The following ITIH3 variants were observed in gnomAD, a reference collection of about 807,000 sequenced individuals.
ITIH3 encodes the protein inter-alpha-trypsin inhibitor heavy chain 3.
ITIH3 carries 81 observed loss-of-function variants against 96.5 expected under a neutral mutation model. The observed-to-expected ratio is 0.84, with a 90% CI of 0.70 to 1.01. The LOEUF (loss-of-function observed/expected upper bound fraction) is 1.01. Among genes scored for constraint, ITIH3 ranks in the 50% least tolerant of loss-of-function variants. The pLI, the probability that ITIH3 is intolerant of heterozygous loss-of-function variation, is 0.00. For missense variants in ITIH3, 1,057 were observed against 1,139.3 expected, an observed-to-expected ratio of 0.93 and a Z score of 1.04; for synonymous variants, 422 against 445.2, an observed-to-expected ratio of 0.95 and a Z score of 0.66.
intron 5 of ITIH3, among the ~76,000 whole-genome samples, chr3:52,797,490 C>T (rs1285596342): frequency 6.6e-6 from 1 of 152,238 alleles, no homozygotes; most frequent in East Asian, 1.9e-4. Flanking sequence ...GTGCTGGGCC[C>T]TCAAGAGCAA....
rs781494651 is a variant in ITIH3, at chr3:52,799,426, C to A, written c.844C>A (p.Pro282Thr). The change falls in exon 8 of 22, where the codon CCT becomes ACT. Residue 282 changes from proline (P) to threonine (T), a missense_variant. Transcript: ENST00000449956. ...FFAPQGLPVV[P>T]KNVAFVIDIS... is the part of the protein sequence containing the mutation. ...TGCACCTCAAGGCCTTCCAGTGGTG[C>A]CTAAGAACGTGGCCTTTGTGATTGA... The A allele has an allele frequency of 6.2e-7, 1 of 1,612,384 alleles. No homozygotes were observed. The highest frequency in any genetic ancestry group is 1.1e-5 in the South Asian group (1 of 90,716).
At chr3:52,804,154 G>T in intron 14 of ITIH3, 145 bp downstream of exon 14, 8 of 811,536 alleles carry the variant, frequency 9.9e-6, no homozygotes, top group Non-Finnish European at 1.6e-5. Context: ...ACGGGATGGG[G>T]AAAGTGGGGT....
chr3:52,807,699 T>G (rs1247123828), intron 19 of ITIH3, 48 bp from the exon 20 acceptor site: 2 of 1,564,782 alleles, frequency 1.3e-6, no homozygotes, highest in African/African-American at 2.7e-5. Context: ...AGATGCCCAG[T>G]GTCACGGCCA....
chr3:52,795,698 G>T (rs1699555216), intron 2 of ITIH3, 75 bp downstream of exon 2: 1 of 1,454,120 alleles, frequency 6.9e-7, no homozygotes, highest in African/African-American at 1.4e-5. Flanking sequence ...TGCTGAAGGT[G>T]TAGGCTATAA....
intron 13 of ITIH3, 105 bp from the exon 14 acceptor site, chr3:52,803,750 G>A (rs1699934199): frequency 9.2e-6 from 12 of 1,304,874 alleles, no homozygotes; most frequent in Non-Finnish European, 1.3e-5. Flanking sequence ...CCCACAATGG[G>A]GAAGGTGGAG....
Position 52,799,092 on chromosome 3 carries a change from G to A in ITIH3, c.789+1G>A. 7 of 1,613,264 alleles carry A rather than the reference G, an allele frequency of 4.3e-6. No individual in the cohort carries two copies. The highest frequency in any genetic ancestry group is 5.9e-6 in the Non-Finnish European group (7 of 1,179,668). ...CAGAGAATCTCCTGGCAACGTGCAG[G>A]TACCCGGGCTGGCTGATTCATCATC... On this transcript the variant is annotated splice_donor_variant, in intron 7 of 21. Transcript: ENST00000449956. LOFTEE classifies it high-confidence loss of function.
intron 19 of ITIH3, 140 bp from the exon 20 acceptor site, chr3:52,807,607 A>G: frequency 1.4e-6 from 1 of 721,454 alleles, no homozygotes; most frequent in Non-Finnish European, 2.3e-6. Flanking sequence ...TCCTCTTTCC[A>G]ACGCCCCTGA....
intron 1 of ITIH3, 89 bp downstream of exon 1, chr3:52,794,985 A>G: frequency 9.4e-7 from 1 of 1,058,820 alleles, no homozygotes; most frequent in Non-Finnish European, 1.5e-6. Flanking sequence ...TGGAGTGAAG[A>G]GGAGGCAGAG....
chr3:52,806,507 A>G (rs984633575), intron 18 of ITIH3, 101 bp downstream of exon 18: 2 of 860,370 alleles, frequency 2.3e-6, no homozygotes. Flanking sequence ...CTGCCCAGTA[A>G]GGCATCATCT....
intron 9 of ITIH3, chr3:52,800,258 G>T (rs1028717650): frequency 9.1e-6 from 5 of 547,604 alleles, no homozygotes; most frequent in Non-Finnish European, 1.6e-5. Context: ...CCAGCAAGAG[G>T]TACTGGGAGT....
chr3:52,804,911 C>T, intron 15 of ITIH3, 177 bp downstream of exon 15: 1 of 683,018 alleles, frequency 1.5e-6, no homozygotes. Flanking sequence ...CCTGAGGATC[C>T]CTGTGAGTTA....
intron 6 of ITIH3, among the ~76,000 whole-genome samples, 200 bp downstream of exon 6, chr3:52,798,130 T>C (rs1699667836): frequency 6.6e-6 from 1 of 152,158 alleles, no homozygotes; most frequent in African/African-American, 2.4e-5. Context: ...CTGCTGACAA[T>C]GACCTGCCAG....
rs60207422 is a variant in ITIH3 at position 52,808,441 on chromosome 3, T to A, written c.2544-111T>A. 13,819 of 1,441,444 alleles carry A rather than the reference T, an allele frequency of 9.6e-3. 1,148 individuals carry two copies. The African/African-American group carries it at 0.17, about 18-fold the overall frequency. The allele number at this position is 1,441,444 out of a possible 1,614,324, so 89.3% of individuals were successfully genotyped here. On this transcript the variant is annotated intron_variant, in intron 21 of 21. Coordinates refer to ENST00000449956, the MANE Select transcript of ITIH3 (RefSeq NM_002217.4). Reference sequence around the variant, plus strand: ...TGTAACTTCATTCTTGACCAAAGAATTCTGGGCTGTTAGAATTGCCAACTT... The same window carrying A: ...TGTAACTTCATTCTTGACCAAAGAAATCTGGGCTGTTAGAATTGCCAACTT...
intron 9 of ITIH3, among the ~76,000 whole-genome samples, 195 bp downstream of exon 9, chr3:52,800,116 C>T (rs1489316444): frequency 1.3e-5 from 2 of 152,158 alleles, no homozygotes; most frequent in African/African-American, 4.8e-5. Context: ...CAGGGAAACC[C>T]ATTCTTTCTG....
In ITIH3 at chr3:52,807,050, A is replaced by G; in HGVS notation, c.2206A>G (p.Arg736Gly). 4 of 1,601,648 alleles carry G rather than the reference A, an allele frequency of 2.5e-6. No individual in the cohort carries two copies. Among genetic ancestry groups the G allele is most frequent in the South Asian group, 1.1e-5 (1 of 88,400 alleles). ...VTTEKITLWN[R>G]AVPSTFSWLD... ...AACGGAGAAGATCACCCTGTGGAACAGGGCCGTGCCGAGCACTTTCAGCTG... is the reference window on the plus strand; with the variant it reads ...AACGGAGAAGATCACCCTGTGGAACGGGGCCGTGCCGAGCACTTTCAGCTG... Residue 736 changes from arginine (R) to glycine (G), a missense_variant, in exon 19 of 22, where the codon AGG (arginine) becomes GGG (glycine). Physicochemically the swap from Arg to Gly is moderately radical, Grantham distance 125 (BLOSUM62 -2). Transcript: ENST00000449956.
intron 15 of ITIH3, 80 bp downstream of exon 15, chr3:52,804,814 T>A: frequency 6.7e-7 from 1 of 1,494,152 alleles, no homozygotes; most frequent in South Asian, 1.2e-5. Context: ...CCAAGCAAGA[T>A]AGGACCCCCA....
chr3:52,806,214 T>C, intron 17 of ITIH3, 76 bp downstream of exon 17: 1 of 1,598,816 alleles, frequency 6.3e-7, no homozygotes, highest in Non-Finnish European at 8.5e-7. Context: ...GTCGAGCCCA[T>C]GGAGGCCAGA....
At chr3:52,797,721 T>G in intron 5 of ITIH3, 96 bp from the exon 6 acceptor site, 2 of 754,092 alleles carry the variant, frequency 2.7e-6, no homozygotes, top group South Asian at 1.7e-5. Flanking sequence ...AGAGGGTCCC[T>G]GCATCACCAC....
chr3:52,801,706 G>A (rs1226033494), intron 11 of ITIH3, among the ~76,000 whole-genome samples: 1 of 152,086 alleles, frequency 6.6e-6, no homozygotes, highest in Non-Finnish European at 1.5e-5. Flanking sequence ...CAATCATATT[G>A]GATTAGGGCC....
Sources: allele counts gnomAD v4.1 joint callset (sites outside exome capture counted in the v4.1 genomes callset), GRCh38; gene constraint gnomAD v4.1.1; transcripts MANE v1.5; gene names NCBI Gene and HGNC (gene_info 2026-07-23, HGNC 2026-07-21).